Variants in AMZ2 observed in about 807,000 individuals in gnomAD.
AMZ2 encodes archaemetzincin-2.
AMZ2 carries 26 observed loss-of-function variants against 36.7 expected under a neutral mutation model. That is an observed-to-expected ratio of 0.71 (90% CI 0.52 to 0.98). The LOEUF (loss-of-function observed/expected upper bound fraction) is 0.98, where lower values mean the gene tolerates loss of function less well. AMZ2 is among the 50% of genes least tolerant of loss of function. AMZ2 has a pLI of 0.00. For synonymous variants in AMZ2, 144 were observed against 149.1 expected (o/e 0.97, Z 0.25); for missense variants, 394 against 430.5 (o/e 0.92, Z 0.75).
upstream of AMZ2, chr17:68,246,896 A>T (rs1244942676): frequency 6.6e-6 from 1 of 152,254 alleles, no homozygotes; most frequent in African/African-American, 2.4e-5. Context: ...GAGGATGGTA[A>T]AATAGCTTGA....
rs879954767 is a variant in AMZ2, at chr17:68,248,454, G to T, written c.-252G>T. 9.1e-6 allele frequency: 9 copies of T among 986,284 alleles called. No individual in the cohort carries two copies. The highest frequency in any genetic ancestry group is 8.4e-6 in the Non-Finnish European group (7 of 830,242). 61.1% of individuals were successfully genotyped at this position (986,284 alleles called of 1,614,324 possible). ...CAGCTCCTTCCCGTTTGCCCGTGATGTTCTGGTTTTGGGACCAAAGCATCC... is the reference window on the plus strand; with the variant it reads ...CAGCTCCTTCCCGTTTGCCCGTGATTTTCTGGTTTTGGGACCAAAGCATCC... On this transcript the variant is annotated 5_prime_UTR_variant, in exon 1 of 7. An upstream start codon of the reference 5' UTR is lost. Coordinates refer to ENST00000359904, the MANE Select transcript of AMZ2 (RefSeq NM_016627.5).
In AMZ2 at chr17:68,256,970, G is replaced by C; in HGVS notation, c.*1G>C. 6.2e-7 allele frequency: 1 copy of C among 1,612,662 alleles called. No individual in the cohort carries two copies. The highest frequency in any genetic ancestry group is 8.5e-7 in the Non-Finnish European group (1 of 1,179,558). On this transcript the variant is annotated 3_prime_UTR_variant, in exon 7 of 7. Coordinates refer to ENST00000359904, the MANE Select transcript of AMZ2 (RefSeq NM_016627.5). Reference sequence around the variant, plus strand: ...ATGCCTGGCTGTTCTCCAAAAATGAGGACCTTCAAATAGGAGTGATTGAAA... The same window carrying C: ...ATGCCTGGCTGTTCTCCAAAAATGACGACCTTCAAATAGGAGTGATTGAAA...
chr17:68,233,824 C>T (rs1449054383), intron 1 of AMZ2, among the ~76,000 whole-genome samples: 1 of 151,688 alleles, frequency 6.6e-6, no homozygotes, highest in Non-Finnish European at 1.5e-5. Flanking sequence ...TGAGCCCAGG[C>T]GATCCTCCCA....
At chr17:68,223,193 A>G (rs2073413530) in intron 1 of AMZ2, among the ~76,000 whole-genome samples, 1 of 152,202 alleles carries the variant, frequency 6.6e-6, no homozygotes, top group Non-Finnish European at 1.5e-5. Flanking sequence ...TTCCATCATA[A>G]AAAGTCAGAA....
intron 1 of AMZ2, among the ~76,000 whole-genome samples, chr17:68,232,948 A>G (rs1371478901): frequency 6.6e-6 from 1 of 152,240 alleles, no homozygotes; most frequent in Non-Finnish European, 1.5e-5. Context: ...CAAGTGTCTT[A>G]GTCAGCTTGG....
At chr17:68,209,772 C>T (rs2072985257) in intron 1 of AMZ2, among the ~76,000 whole-genome samples, 1 of 150,216 alleles carries the variant, frequency 6.7e-6, no homozygotes, top group South Asian at 2.1e-4. Context: ...AGGTGCCTGC[C>T]ACCATACCCG....
intron 1 of AMZ2, chr17:68,206,749 A>G (rs1555724506): frequency 6.6e-6 from 1 of 152,240 alleles, no homozygotes. Flanking sequence ...ACACACAAAA[A>G]CATGTCTGTT....
At chr17:68,220,828 G>A (rs563894314) in intron 1 of AMZ2, among the ~76,000 whole-genome samples, 2 of 146,618 alleles carry the variant, frequency 1.4e-5, no homozygotes, top group South Asian at 4.4e-4. Context: ...TCTCGCCCAG[G>A]CTGGGGTGCA....
chr17:68,232,598 C>CT, intron 1 of AMZ2, among the ~76,000 whole-genome samples: 1 of 151,908 alleles, frequency 6.6e-6, no homozygotes, highest in East Asian at 1.9e-4. Flanking sequence ...AATCCCAGCA[C>CT]TTTGGGAGGA....
chr17:68,236,595 G>A (rs1316117076), intron 1 of AMZ2, among the ~76,000 whole-genome samples: 3 of 123,972 alleles, frequency 2.4e-5, no homozygotes, highest in African/African-American at 3.2e-5. Context: ...TTTTTGAGAC[G>A]GATTCTCACT....
In AMZ2 at chr17:68,255,738, A is replaced by G. The variant is rs1168655268; in HGVS notation, c.789A>G (p.Arg263=). The G allele has an allele frequency of 6.2e-7, 1 of 1,614,166 alleles. No individual in the cohort carries two copies. Among genetic ancestry groups the G allele is most frequent in the Admixed American group, 1.7e-5 (1 of 60,016 alleles). ...THEIGHIFGL[R]HCQWLACLMQ... The stretch of plus-strand genomic sequence containing the variant: ...AGATCGGACACATATTTGGACTGCG[A>G]CACTGCCAGTGGCTTGCATGCCTCA... The change falls in exon 6 of 7, where the codon CGA becomes CGG. Residue 263 remains arginine (R), a synonymous_variant. Transcript: ENST00000359904.
At position 68,209,604 on chromosome 17, in the gene AMZ2, GTATA is replaced by G. The variant is rs1290967627; in HGVS notation, c.-67+3368_-67+3371del. ...TGGGTGTGTGTGTGTGTGTGTGTGT[GTATA>G]TGTATATATATATATATATATATAT... On this transcript the variant is annotated intron_variant, in intron 1 of 7. Coordinates refer to the AMZ2 transcript ENST00000674770. Among the ~76,000 whole-genome samples, 172 of 117,690 alleles carry G rather than the reference GTATA, an allele frequency of 1.5e-3. 1 individual carries two copies. The highest frequency in any genetic ancestry group is 5.0e-3 in the African/African-American group (140 of 27,986). 77.2% of individuals were successfully genotyped at this position (117,690 alleles called of 152,430 possible).
At chr17:68,218,920 G>A (rs1410718705) in intron 1 of AMZ2, among the ~76,000 whole-genome samples, 1 of 152,152 alleles carries the variant, frequency 6.6e-6, no homozygotes, top group Non-Finnish European at 1.5e-5. Flanking sequence ...ACAAGCCAGT[G>A]TCATCTCGAT....
chr17:68,219,477 C>T (rs566139358), intron 1 of AMZ2, among the ~76,000 whole-genome samples: 1 of 152,270 alleles, frequency 6.6e-6, no homozygotes, highest in Non-Finnish European at 1.5e-5. Context: ...AGTACTTATC[C>T]CATGTTACTG....
chr17:68,238,740 A>G (rs1555733408), intron 1 of AMZ2, among the ~76,000 whole-genome samples: 2 of 152,170 alleles, frequency 1.3e-5, no homozygotes, highest in Non-Finnish European at 2.9e-5. Context: ...ATGACTGCTG[A>G]TAAGCATCTA....
At chr17:68,207,317 C>CCCCCA (rs2072868242) in intron 1 of AMZ2, 1 of 130,012 alleles carries the variant, frequency 7.7e-6, no homozygotes, top group Non-Finnish European at 1.6e-5. Flanking sequence ...TTAAATACCC[C>CCCCCA]CCCCCCACAA....
At chr17:68,247,091 T>G (rs1391474113), upstream of AMZ2, 1 of 150,522 alleles carries the variant, frequency 6.6e-6, no homozygotes, top group African/African-American at 2.4e-5. Context: ...TCCCAGCACT[T>G]TGGGAGGCCA....
chr17:68,213,068 C>T (rs1477685473), intron 1 of AMZ2, among the ~76,000 whole-genome samples: 2 of 152,146 alleles, frequency 1.3e-5, no homozygotes, highest in East Asian at 1.9e-4. Flanking sequence ...TTGAGTAACA[C>T]AACCACAAAG....
upstream of AMZ2, chr17:68,247,401 A>G (rs2074073966): frequency 6.6e-6 from 1 of 150,904 alleles, no homozygotes; most frequent in Admixed American, 6.7e-5. Flanking sequence ...AGAGAGACCG[A>G]AAGTCCCACC....
Sources: allele counts gnomAD v4.1 joint callset (sites outside exome capture counted in the v4.1 genomes callset), GRCh38; gene constraint gnomAD v4.1.1; transcripts MANE v1.5; gene names NCBI Gene and HGNC (gene_info 2026-07-23, HGNC 2026-07-21).